The following HDAC4 variants were observed in gnomAD, a reference collection of about 807,000 sequenced individuals.
HDAC4 encodes histone deacetylase 4, also known as histone deacetylase A.
In HDAC4, 16 loss-of-function variants were observed where a neutral mutation model predicts 135.1. The ratio of observed to expected loss-of-function variants is 0.12; its 90% CI spans 0.08 to 0.18. The LOEUF is 0.18. Ranked by LOEUF, HDAC4 falls within the 10% of genes least tolerant of loss-of-function variation. The pLI is 1.00. For synonymous variants in HDAC4, 685 were observed against 653.4 expected, an observed-to-expected ratio of 1.05 and a Z score of -0.74; for missense variants, 1,143 against 1,511.8, an observed-to-expected ratio of 0.76 and a Z score of 4.05.
At chr2:239,206,066 C>T (rs193236785) in intron 3 of HDAC4, among the ~76,000 whole-genome samples, 6 of 152,290 alleles carry the variant, frequency 3.9e-5, no homozygotes, top group Admixed American at 2.6e-4. Flanking sequence ...CAGTGGCTTA[C>T]GCCTGCAATC....
At chr2:239,187,420 T>C (rs867279007) in intron 4 of HDAC4, among the ~76,000 whole-genome samples, 3 of 152,240 alleles carry the variant, frequency 2.0e-5, no homozygotes, top group African/African-American at 7.2e-5. Flanking sequence ...GAGTGGCCTC[T>C]TGAGGGCTGC....
intron 2 of HDAC4, among the ~76,000 whole-genome samples, chr2:239,337,542 T>A (rs1481684838): frequency 6.6e-6 from 1 of 152,194 alleles, no homozygotes; most frequent in Non-Finnish European, 1.5e-5. Flanking sequence ...ACTTCCATCT[T>A]AATCACATAT....
intron 2 of HDAC4, among the ~76,000 whole-genome samples, chr2:239,274,075 T>C (rs891302799): frequency 2.0e-5 from 3 of 152,218 alleles, no homozygotes; most frequent in African/African-American, 7.2e-5. Flanking sequence ...CAGCCATCGC[T>C]GAAGATGGGG....
In HDAC4 at chr2:239,304,837, G is replaced by T. The variant is rs908259556; in HGVS notation, c.22+47841C>A. 1.5e-4 allele frequency among the ~76,000 whole-genome samples: 23 copies of T among 152,252 alleles called. 1 individual carries two copies. Among genetic ancestry groups the T allele is most frequent in the Middle Eastern group, 3.4e-3 (1 of 294 alleles). On this transcript the variant is annotated intron_variant, in intron 2 of 26. Coordinates refer to ENST00000543185, the MANE Select transcript of HDAC4 (RefSeq NM_001378414.1). ...AAGGCCCCCTTGGGGGCTTTCTAAAGTTAGTAAATACATGTATATATAATA... is the reference window on the plus strand; with the variant it reads ...AAGGCCCCCTTGGGGGCTTTCTAAATTTAGTAAATACATGTATATATAATA...
At chr2:239,286,522 G>A (rs1237893464) in intron 2 of HDAC4, among the ~76,000 whole-genome samples, 1 of 132,974 alleles carries the variant, frequency 7.5e-6, no homozygotes, top group Admixed American at 7.4e-5. Flanking sequence ...GCAGGACTGG[G>A]AAGGAAGGGA....
intron 14 of HDAC4, 51 bp downstream of exon 14, chr2:239,111,475 C>T (rs2152798816): frequency 1.3e-6 from 2 of 1,545,948 alleles, no homozygotes; most frequent in African/African-American, 1.4e-5. Context: ...CCGCGCTGTG[C>T]CCACTGTGGC....
chr2:239,327,442 G>A (rs923314037), intron 2 of HDAC4, among the ~76,000 whole-genome samples: 1 of 152,244 alleles, frequency 6.6e-6, no homozygotes, highest in Non-Finnish European at 1.5e-5. Context: ...AAACTCAGCT[G>A]TTCTGCCCCT....
At chr2:239,194,068 G>A (rs2045198376) in intron 3 of HDAC4, among the ~76,000 whole-genome samples, 1 of 152,188 alleles carries the variant, frequency 6.6e-6, no homozygotes, top group South Asian at 2.1e-4. Flanking sequence ...TTCAGAAATG[G>A]AAAATGATCA....
intron 5 of HDAC4, among the ~76,000 whole-genome samples, chr2:239,168,367 G>A (rs1424112919): frequency 2.0e-5 from 3 of 152,112 alleles, no homozygotes; most frequent in South Asian, 2.1e-4. Flanking sequence ...CCCAAGTGCC[G>A]TTAATCTAAA....
intron 3 of HDAC4, among the ~76,000 whole-genome samples, chr2:239,213,218 A>G (rs2046436706): frequency 2.5e-5 from 2 of 81,324 alleles, no homozygotes; most frequent in Admixed American, 1.4e-4. Context: ...ATAACAGCAA[A>G]GTAGGGGCCA....
rs77022034 is a variant in HDAC4, at chr2:239,068,956, G to A, written c.2751-349C>T. ...CCAGCAAGCCCCACTGCACTTGCTT[G>A]GTGAGAGGGAGTCACGGTGCAAGCC... On this transcript the variant is annotated intron_variant, in intron 22 of 26. Coordinates refer to ENST00000543185, the MANE Select transcript of HDAC4 (RefSeq NM_001378414.1). The surrounding 1 kb of genome is among the most constrained non-coding windows in gnomAD (Gnocchi z 4.4). 13 of 19,120 alleles carry A rather than the reference G, an allele frequency of 6.8e-4. No homozygotes were observed. Among genetic ancestry groups the A allele is most frequent in the South Asian group, 4.8e-4 (1 of 2,080 alleles). The allele number at this position is 19,120 out of a possible 1,614,324, so 1.2% of individuals were successfully genotyped here. A position where few individuals can be genotyped will look rare whatever the true frequency, so the allele number is the denominator to read the frequency against.
In HDAC4 at chr2:239,097,060, C is replaced by T. The variant is rs867836071; in HGVS notation, c.2234-2004G>A. The stretch of plus-strand genomic sequence containing the variant: ...CCGGCCCCCATCTGCTAGGAGGGCC[C>T]GGCCAGCTGAGGGGCGCAGGCGCCA... On this transcript the variant is annotated intron_variant, in intron 16 of 26. Transcript: ENST00000543185. Among the ~76,000 whole-genome samples, 9 of 152,304 alleles carry T rather than the reference C, an allele frequency of 5.9e-5. No homozygotes were observed. In the East Asian group the frequency reaches 7.8e-4, roughly 13 times the overall value.
chr2:239,063,378 G>C (rs1398203031), intron 24 of HDAC4, among the ~76,000 whole-genome samples: 2 of 151,128 alleles, frequency 1.3e-5, no homozygotes, highest in Non-Finnish European at 3.0e-5. Flanking sequence ...TTTTTTTTTT[G>C]TATTTTTAGT....
chr2:239,394,479 C>T (rs1309478626), intron 1 of HDAC4, among the ~76,000 whole-genome samples: 1 of 152,264 alleles, frequency 6.6e-6, no homozygotes, highest in Non-Finnish European at 1.5e-5. Context: ...GGAGAACAAG[C>T]TGCACACACC....
intron 24 of HDAC4, among the ~76,000 whole-genome samples, chr2:239,061,691 C>T (rs1366910931): frequency 6.6e-6 from 1 of 152,206 alleles, no homozygotes; most frequent in African/African-American, 2.4e-5. Context: ...CAGTCCCTCA[C>T]ACACACTTGG....
At chr2:239,088,134 C>T (rs981977968) in intron 18 of HDAC4, among the ~76,000 whole-genome samples, 1 of 152,196 alleles carries the variant, frequency 6.6e-6, no homozygotes, top group African/African-American at 2.4e-5. Flanking sequence ...GTGGGCAGCC[C>T]ACGAAACAGC....
chr2:239,258,574 G>A (rs1329945035), intron 2 of HDAC4, among the ~76,000 whole-genome samples: 2 of 152,150 alleles, frequency 1.3e-5, no homozygotes, highest in Admixed American at 6.5e-5. Context: ...TAACCAGCAC[G>A]GGCATTCTTC....
intron 9 of HDAC4, among the ~76,000 whole-genome samples, chr2:239,135,485 T>C (rs373187634): frequency 6.6e-6 from 1 of 152,140 alleles, no homozygotes; most frequent in African/African-American, 2.4e-5. Flanking sequence ...ACCCAACAAA[T>C]TGGCAAACAC....
intron 1 of HDAC4, among the ~76,000 whole-genome samples, chr2:239,376,722 A>G (rs911698332): frequency 6.6e-6 from 1 of 151,814 alleles, no homozygotes; most frequent in African/African-American, 2.4e-5. Context: ...GCCACACTTG[A>G]GTAACGATTA....
Sources: gnomAD v4.1 joint callset for allele counts (sites outside exome capture counted in the v4.1 genomes callset) on GRCh38, gnomAD v4.1.1 for gene constraint, Gnocchi (gnomAD v3.1) non-coding constraint, MANE v1.5 for transcripts, NCBI Gene and HGNC (gene_info 2026-07-23, HGNC 2026-07-21) for gene names.